TOPBP1: variants seen among roughly 807,000 people sequenced by gnomAD.
TOPBP1 encodes DNA topoisomerase II binding protein 1.
Under a neutral mutation model 167.7 loss-of-function variants are expected in TOPBP1, and 28 were observed. That is an observed-to-expected ratio of 0.17 (90% confidence interval 0.12 to 0.23). TOPBP1 has a LOEUF of 0.23. TOPBP1 is among the 10% of genes least tolerant of loss of function. TOPBP1 has a pLI of 1.00. For synonymous variants in TOPBP1, 598 were observed against 611.4 expected (o/e 0.98, Z 0.32); for missense variants, 1,554 against 1,809.6 (o/e 0.86, Z 2.56).
chr3:133,649,393 G>T lies in TOPBP1; in HGVS notation c.1494C>A (p.Ser498Arg). ...TCAAGCATTTCTTACCTACTGTGGA[G>T]CTACCATTTTCATATTGAGAGAGCA... The part of the protein sequence containing the change: ...EDLLSQYENG[S>R]STVVEAKTSE... The change falls in exon 10 of 28, where the codon AGC (serine) becomes AGA (arginine). Residue 498 changes from serine to arginine, a missense_variant. Physicochemically the swap from Ser to Arg is moderately radical, Grantham distance 110. Around this residue, in one of 3 missense-constraint regions of TOPBP1, gnomAD observed 1,197 missense variants for 1,351.5 expected, o/e 0.89. Transcript: ENST00000260810. The T allele has an allele frequency of 6.2e-7, 1 of 1,612,860 alleles. No individual in the cohort carries two copies. Among genetic ancestry groups the T allele is most frequent in the Non-Finnish European group, 8.5e-7 (1 of 1,179,746 alleles).
intron 12 of TOPBP1, among the ~76,000 whole-genome samples, chr3:133,640,510 A>C (rs1935860856): frequency 6.6e-6 from 1 of 152,192 alleles, no homozygotes; most frequent in African/African-American, 2.4e-5. Context: ...TCCCAGGCTC[A>C]AGCCATCCTC....
chr3:133,631,969 T>TC (rs1292328196), intron 14 of TOPBP1, among the ~76,000 whole-genome samples: 2 of 151,908 alleles, frequency 1.3e-5, no homozygotes, highest in Non-Finnish European at 1.5e-5. Flanking sequence ...GTGTGGCATC[T>TC]CCCCCCGCTA....
At position 133,624,104 on chromosome 3, in the gene TOPBP1, T is replaced by C; in HGVS notation, c.2876A>G (p.Lys959Arg). The change falls in exon 17 of 28, where the codon AAA (lysine) becomes AGA (arginine). Residue 959 changes from lysine to arginine, a missense_variant. This residue lies in a region of TOPBP1 where 1,197 missense variants were observed against 1,351.5 expected (regional missense o/e 0.89). Coordinates refer to ENST00000260810, the MANE Select transcript of TOPBP1 (RefSeq NM_007027.4). The stretch of plus-strand genomic sequence containing the variant: ...GTGTACTCCTCTTTCTTTTACAGAT[T>C]TATACTCCCGATTAGTGTCATTTGG... Reference protein sequence around the residue: ...GRPNDTNREYKSVKERGVHIV... With the variant: ...GRPNDTNREYRSVKERGVHIV... The C allele has an allele frequency of 6.2e-7, 1 of 1,613,862 alleles. No individual in the cohort carries two copies. Among genetic ancestry groups the C allele is most frequent in the East Asian group, 2.2e-5 (1 of 44,862 alleles).
At chr3:133,652,677 G>C in intron 7 of TOPBP1, 48 bp from the exon 8 acceptor site, 1 of 1,454,634 alleles carries the variant, frequency 6.9e-7, no homozygotes, top group Non-Finnish European at 9.4e-7. Context: ...AAATAATCAT[G>C]ATTACATATT....
In TOPBP1 at chr3:133,601,657, T is replaced by C. The variant is rs757202718; in HGVS notation, c.4426-264A>G. ...TTACAAACATTTCATATCGGTGTTT[T>C]TAATCCCCATTTTTGAGATAAAATA... On this transcript the variant is annotated intron_variant, in intron 27 of 27. Transcript: ENST00000260810. 9.9e-4 allele frequency among the ~76,000 whole-genome samples: 150 copies of C among 152,270 alleles called. 1 individual carries two copies. Among genetic ancestry groups the C allele is most frequent in the Non-Finnish European group, 1.5e-3 (105 of 68,030 alleles).
Sources: gnomAD v4.1 joint callset for allele counts (sites outside exome capture counted in the v4.1 genomes callset) on GRCh38, gnomAD v4.1.1 for gene constraint, gnomAD v4.1.1 regional missense constraint, MANE v1.5 for transcripts, NCBI Gene and HGNC (gene_info 2026-07-23, HGNC 2026-07-21) for gene names.